Variants in KAZN observed in about 807,000 individuals in gnomAD.
KAZN encodes the protein kazrin.
A neutral mutation model predicts 87.4 loss-of-function variants in KAZN; 40 were observed. That is an observed-to-expected ratio of 0.46 (90% confidence interval 0.36 to 0.60). The LOEUF is 0.60. Ranked by LOEUF, KAZN falls within the 20% of genes least tolerant of loss-of-function variation. KAZN has a pLI of 0.00. For synonymous variants in KAZN, 466 were observed against 458.3 expected, an observed-to-expected ratio of 1.02 and a Z score of -0.22; for missense variants, 898 against 1,073.9, an observed-to-expected ratio of 0.84 and a Z score of 2.29.
At chr1:14,739,141 G>T (rs1260935720) in intron 1 of KAZN, among the ~76,000 whole-genome samples, 1 of 152,150 alleles carries the variant, frequency 6.6e-6, no homozygotes, top group Non-Finnish European at 1.5e-5. Flanking sequence ...TTGCACCACG[G>T]CACTCCAGCA....
intron 2 of KAZN, among the ~76,000 whole-genome samples, chr1:14,515,343 G>A (rs777186842): frequency 7.9e-5 from 12 of 152,136 alleles, no homozygotes; most frequent in Non-Finnish European, 1.5e-4. Context: ...CAATCCAATC[G>A]CTGTAGGAAA....
At chr1:14,073,757 C>T (rs1308480517) in intron 1 of KAZN, among the ~76,000 whole-genome samples, 1 of 152,114 alleles carries the variant, frequency 6.6e-6, no homozygotes, top group African/African-American at 2.4e-5. Flanking sequence ...GAATAGTATT[C>T]CATGGTACAA....
chr1:15,110,733 G>A (rs2100748483), intron 13 of KAZN, among the ~76,000 whole-genome samples: 1 of 152,374 alleles, frequency 6.6e-6, no homozygotes, highest in Non-Finnish European at 1.5e-5. Flanking sequence ...CCCAAAGTGG[G>A]AAGGCCGTGG....
intron 2 of KAZN, among the ~76,000 whole-genome samples, chr1:14,977,123 A>G (rs1665717475): frequency 6.6e-6 from 1 of 152,208 alleles, no homozygotes; most frequent in African/African-American, 2.4e-5. Flanking sequence ...TGAAAAGGCC[A>G]TGGAGTCCTC....
At chr1:14,859,533 C>T (rs539703821) in intron 1 of KAZN, among the ~76,000 whole-genome samples, 1 of 152,252 alleles carries the variant, frequency 6.6e-6, no homozygotes, top group East Asian at 1.9e-4. Flanking sequence ...GTATAGATCT[C>T]CTTAATCTTT....
intron 2 of KAZN, among the ~76,000 whole-genome samples, chr1:14,377,161 G>T (rs1660978429): frequency 6.6e-6 from 1 of 152,332 alleles, no homozygotes; most frequent in Non-Finnish European, 1.5e-5. Flanking sequence ...GCCATTCTAA[G>T]TTGGCTAGCT....
intron 2 of KAZN, among the ~76,000 whole-genome samples, chr1:14,380,941 A>G (rs1050219668): frequency 3.3e-5 from 5 of 152,220 alleles, no homozygotes; most frequent in Non-Finnish European, 5.9e-5. Flanking sequence ...CAAACTTTCA[A>G]ACATCAAGGA....
intron 3 of KAZN, among the ~76,000 whole-genome samples, chr1:15,042,909 C>T (rs186265980): frequency 6.6e-6 from 1 of 152,334 alleles, no homozygotes; most frequent in East Asian, 1.9e-4. Context: ...ATGGGTAGAG[C>T]TCCCCGCTGG....
intron 2 of KAZN, among the ~76,000 whole-genome samples, chr1:14,983,133 A>G (rs748174411): frequency 6.6e-6 from 1 of 152,202 alleles, no homozygotes; most frequent in Admixed American, 6.5e-5. Flanking sequence ...AGGTTTCTCC[A>G]GAGACCCAAA....
chr1:13,968,093 G>A (rs1642008646), intron 1 of KAZN, among the ~76,000 whole-genome samples: 1 of 152,186 alleles, frequency 6.6e-6, no homozygotes, highest in Non-Finnish European at 1.5e-5. Context: ...TGGCTAGTTT[G>A]AGAGCTGAGT....
intron 2 of KAZN, among the ~76,000 whole-genome samples, chr1:14,458,782 A>G (rs892732961): frequency 2.0e-5 from 3 of 152,246 alleles, no homozygotes; most frequent in African/African-American, 7.2e-5. Context: ...CTCCGTGCCC[A>G]TGATGGGATA....
chr1:14,076,901 TA>T (rs1643481255), intron 1 of KAZN, among the ~76,000 whole-genome samples: 1 of 152,172 alleles, frequency 6.6e-6, no homozygotes, highest in African/African-American at 2.4e-5. Flanking sequence ...AGCGTGGAAC[TA>T]AAGATGCAAG....
intron 1 of KAZN, among the ~76,000 whole-genome samples, chr1:13,963,092 T>C (rs1268468544): frequency 6.6e-6 from 1 of 152,098 alleles, no homozygotes; most frequent in African/African-American, 2.4e-5. Context: ...AATAAAGGGA[T>C]ATGATAGGAA....
chr1:14,663,594 G>A (rs1244515203), intron 1 of KAZN, among the ~76,000 whole-genome samples: 1 of 152,036 alleles, frequency 6.6e-6, no homozygotes, highest in Non-Finnish European at 1.5e-5. Flanking sequence ...AAGCCAATGA[G>A]TTATACCAAT....
At chr1:14,122,077 G>A (rs994372547) in intron 1 of KAZN, among the ~76,000 whole-genome samples, 10 of 152,202 alleles carry the variant, frequency 6.6e-5, no homozygotes, top group South Asian at 2.1e-4. Flanking sequence ...CAATCTGGCC[G>A]TGGCTGTGAA....
intron 1 of KAZN, among the ~76,000 whole-genome samples, chr1:14,011,858 T>A (rs1640328731): frequency 6.6e-6 from 1 of 152,226 alleles, no homozygotes; most frequent in South Asian, 2.1e-4. Flanking sequence ...GTAAGTGGAA[T>A]ACAGGCTGGC....
intron 1 of KAZN, among the ~76,000 whole-genome samples, chr1:14,945,307 A>G (rs1000863270): frequency 2.6e-5 from 4 of 152,142 alleles, no homozygotes; most frequent in Non-Finnish European, 5.9e-5. Flanking sequence ...TAATTTTTCA[A>G]TTAACTCAAT....
intron 1 of KAZN, among the ~76,000 whole-genome samples, chr1:14,650,012 A>G (rs1168165737): frequency 2.2e-5 from 3 of 136,080 alleles, no homozygotes; most frequent in East Asian, 4.5e-4. Context: ...GGGTGCTGGT[A>G]TCTTTCCCCC....
At chr1:15,088,953 AAAAT>A (rs910263252) in intron 8 of KAZN, among the ~76,000 whole-genome samples, 31 of 152,088 alleles carry the variant, frequency 2.0e-4, no homozygotes, top group African/African-American at 4.1e-4. Flanking sequence ...CTCACTACAG[AAAAT>A]AAATAACCCA....
Sources: gnomAD v4.1 joint callset for allele counts (sites outside exome capture counted in the v4.1 genomes callset) on GRCh38, gnomAD v4.1.1 for gene constraint, MANE v1.5 for transcripts, NCBI Gene and HGNC (gene_info 2026-07-23, HGNC 2026-07-21) for gene names.